The following NRG3 variants were observed in gnomAD, a reference collection of about 807,000 sequenced individuals.
NRG3 encodes neuregulin 3.
A neutral mutation model predicts 66.9 loss-of-function variants in NRG3; 31 were observed. That is an observed-to-expected ratio of 0.46 (90% confidence interval 0.35 to 0.63). NRG3 has a LOEUF of 0.63. NRG3 is among the 20% of genes least tolerant of loss of function. The pLI is 0.00. For missense variants in NRG3, 910 were observed against 878.9 expected (o/e 1.04, Z -0.45); for synonymous variants, 393 against 359.4 (o/e 1.09, Z -1.06).
rs566056936 is a variant in NRG3 at position 82,468,456 on chromosome 10, T to G, written c.953+109588T>G. Among the ~76,000 whole-genome samples, 39 of 152,334 alleles carry G rather than the reference T, an allele frequency of 2.6e-4. No individual in the cohort carries two copies. The East Asian group carries it at 7.3e-3, about 29-fold the overall frequency. On this transcript the variant is annotated intron_variant, in intron 2 of 8. Transcript: ENST00000372141. ...GAGATTACATATGAGAGACCTTCAA[T>G]GTGACCCAGATCTGTTTTATTTTAA... is the stretch of plus-strand genomic sequence containing the variant.
chr10:82,882,748 G>T (rs896070640), intron 4 of NRG3, among the ~76,000 whole-genome samples: 2 of 152,098 alleles, frequency 1.3e-5, no homozygotes, highest in African/African-American at 4.8e-5. Flanking sequence ...AGAGCCTTTG[G>T]CTAGTTTGTG....
At chr10:82,089,245 A>G (rs547500699) in intron 1 of NRG3, among the ~76,000 whole-genome samples, 3 of 151,806 alleles carry the variant, frequency 2.0e-5, no homozygotes, top group Admixed American at 2.0e-4. Flanking sequence ...ATTTAAAAAG[A>G]CACAATTTTT....
intron 1 of NRG3, among the ~76,000 whole-genome samples, chr10:82,102,033 A>ATGTGTCTTATTTTACAGT: frequency 6.9e-6 from 1 of 145,490 alleles, no homozygotes; most frequent in Non-Finnish European, 1.5e-5. Flanking sequence ...ACACATATAT[A>ATGTGTCTTATTTTACAGT]TGCACATATA....
At chr10:82,935,586 GC>G (rs1185572788) in intron 4 of NRG3, among the ~76,000 whole-genome samples, 1 of 152,154 alleles carries the variant, frequency 6.6e-6, no homozygotes, top group East Asian at 1.9e-4. Flanking sequence ...ATTTATAATA[GC>G]AAAAAATGAT....
intron 1 of NRG3, among the ~76,000 whole-genome samples, chr10:82,107,226 C>T (rs1590139022): frequency 6.6e-6 from 1 of 152,288 alleles, no homozygotes; most frequent in East Asian, 1.9e-4. Flanking sequence ...TCCTTTTAAT[C>T]TCATGTCGGC....
intron 1 of NRG3, among the ~76,000 whole-genome samples, chr10:81,897,539 A>G (rs1014856609): frequency 1.3e-5 from 2 of 151,766 alleles, no homozygotes; most frequent in Admixed American, 6.6e-5. Context: ...TCCCGTCCTC[A>G]ATAAGAGGAG....
intron 1 of NRG3, among the ~76,000 whole-genome samples, chr10:81,988,448 A>G (rs778664113): frequency 2.6e-5 from 4 of 152,104 alleles, no homozygotes; most frequent in African/African-American, 4.8e-5. Context: ...TGTTGTTTTC[A>G]TGGTTATTGT....
intron 3 of NRG3, among the ~76,000 whole-genome samples, chr10:82,763,026 GACA>G (rs2059388514): frequency 6.6e-6 from 1 of 152,146 alleles, no homozygotes; most frequent in Non-Finnish European, 1.5e-5. Flanking sequence ...CCTTTTCAGT[GACA>G]ACATTTATAC....
intron 1 of NRG3, among the ~76,000 whole-genome samples, chr10:82,008,788 C>T (rs944828625): frequency 6.6e-6 from 1 of 152,140 alleles, no homozygotes; most frequent in Non-Finnish European, 1.5e-5. Flanking sequence ...ATTGGACCCA[C>T]TAACATCACC....
intron 1 of NRG3, among the ~76,000 whole-genome samples, chr10:82,199,873 C>CGTGTGTGT (rs1564656239): frequency 1.7e-4 from 19 of 109,602 alleles, no homozygotes; most frequent in African/African-American, 6.2e-4. Context: ...TGAGAGTGTG[C>CGTGTGTGT]ATGTGTGTGT....
intron 1 of NRG3, among the ~76,000 whole-genome samples, chr10:82,126,824 T>G (rs1436627967): frequency 6.6e-6 from 1 of 152,034 alleles, no homozygotes; most frequent in Admixed American, 6.6e-5. Context: ...TTATCATAAG[T>G]GCTAGACTAC....
chr10:82,294,858 C>T (rs990579566), intron 1 of NRG3, among the ~76,000 whole-genome samples: 1 of 152,120 alleles, frequency 6.6e-6, no homozygotes, highest in African/African-American at 2.4e-5. Flanking sequence ...AATCAATAGC[C>T]TTGTGGTTCC....
At chr10:82,067,731 C>A (rs558199559) in intron 1 of NRG3, among the ~76,000 whole-genome samples, 11 of 152,288 alleles carry the variant, frequency 7.2e-5, no homozygotes, top group African/African-American at 2.6e-4. Flanking sequence ...AACTGTTAGA[C>A]CTCAAACAGT....
chr10:82,252,432 A>G (rs1315330367), intron 1 of NRG3, among the ~76,000 whole-genome samples: 1 of 152,176 alleles, frequency 6.6e-6, no homozygotes, highest in Non-Finnish European at 1.5e-5. Context: ...AAACAGAGGC[A>G]TTGGAAAAGT....
Position 82,430,263 on chromosome 10 carries a change from T to G in NRG3, c.953+71395T>G, listed in dbSNP as rs951112774. On this transcript the variant is annotated intron_variant, in intron 2 of 8. Transcript: ENST00000372141. ...TCATTGAGTACCAGTTTTTTTGTTT[T>G]TTGTTTTTTTTTGAGATGGAGTCTC... Among the ~76,000 whole-genome samples the G allele has an allele frequency of 2.1e-4, 32 of 151,900 alleles. 1 individual carries two copies. The highest frequency in any genetic ancestry group is 7.5e-4 in the African/African-American group (31 of 41,412).
chr10:82,565,287 T>G (rs550418086), intron 2 of NRG3, among the ~76,000 whole-genome samples: 3 of 152,122 alleles, frequency 2.0e-5, no homozygotes, highest in Admixed American at 2.0e-4. Context: ...GTTTATCTCA[T>G]GTACATGGAG....
At chr10:82,679,621 T>A (rs2053963817) in intron 2 of NRG3, among the ~76,000 whole-genome samples, 2 of 152,200 alleles carry the variant, frequency 1.3e-5, no homozygotes, top group South Asian at 4.1e-4. Flanking sequence ...TTTAACATGG[T>A]GATGCCAGAG....
intron 2 of NRG3, among the ~76,000 whole-genome samples, chr10:82,520,472 G>A (rs532999483): frequency 5.3e-5 from 8 of 151,854 alleles, no homozygotes; most frequent in Admixed American, 2.0e-4. Flanking sequence ...TTCGTAGGAG[G>A]GTAAAAAGAT....
intron 2 of NRG3, among the ~76,000 whole-genome samples, chr10:82,495,885 A>C (rs1225218554): frequency 6.6e-6 from 1 of 151,788 alleles, no homozygotes; most frequent in Non-Finnish European, 1.5e-5. Flanking sequence ...TCTTTGGCAG[A>C]ATGTGAGACT....
Sources: gnomAD v4.1 joint callset for allele counts (sites outside exome capture counted in the v4.1 genomes callset) on GRCh38, gnomAD v4.1.1 for gene constraint, MANE v1.5 for transcripts, NCBI Gene and HGNC (gene_info 2026-07-23, HGNC 2026-07-21) for gene names.